MAF: variants seen among roughly 807,000 people sequenced by gnomAD.
MAF encodes the protein MAF bZIP transcription factor.
In MAF, 10 loss-of-function variants were observed where a neutral mutation model predicts 22.0. The observed-to-expected ratio is 0.45, with a 90% confidence interval of 0.28 to 0.77. The LOEUF is 0.77. Ranked by LOEUF, MAF falls within the 30% of genes least tolerant of loss-of-function variation. MAF has a pLI of 0.12. For synonymous variants in MAF, 337 were observed against 255.8 expected, an observed-to-expected ratio of 1.32 and a Z score of -3.03; for missense variants, 544 against 548.4, an observed-to-expected ratio of 0.99 and a Z score of 0.08.
the MAF span, among the ~76,000 whole-genome samples, chr16:79,500,925 C>T: frequency 6.6e-6 from 1 of 152,090 alleles, no homozygotes; most frequent in African/African-American, 2.4e-5. Flanking sequence ...AGGGAAAATT[C>T]ACCGCCATAT....
the MAF span, among the ~76,000 whole-genome samples, chr16:79,331,166 G>C: frequency 1.3e-5 from 2 of 152,138 alleles, no homozygotes; most frequent in African/African-American, 4.8e-5. Flanking sequence ...TTAACAAATA[G>C]AGCTAATGCA....
chr16:79,575,228 A>G, the MAF span, among the ~76,000 whole-genome samples: 25 of 152,020 alleles, frequency 1.6e-4, no homozygotes, highest in Admixed American at 5.9e-4. Flanking sequence ...CCTCTCCCCT[A>G]TTGTGAAGTG....
At chr16:79,340,217 A>T in the MAF span, among the ~76,000 whole-genome samples, 2 of 151,970 alleles carry the variant, frequency 1.3e-5, no homozygotes, top group Non-Finnish European at 2.9e-5. Context: ...AAAGAGTGTT[A>T]AGCAGAGATA....
chr16:79,359,860 T>C, the MAF span, among the ~76,000 whole-genome samples: 1 of 152,136 alleles, frequency 6.6e-6, no homozygotes, highest in African/African-American at 2.4e-5. Flanking sequence ...CTGTTTCACA[T>C]GTGCAACAGC....
At chr16:79,519,208 A>G in the MAF span, among the ~76,000 whole-genome samples, 1 of 152,022 alleles carries the variant, frequency 6.6e-6, no homozygotes, top group Admixed American at 6.6e-5. Flanking sequence ...AAGCCCCCAA[A>G]CCTGGAGCTG....
At chr16:79,509,310 G>A in the MAF span, among the ~76,000 whole-genome samples, 3 of 152,206 alleles carry the variant, frequency 2.0e-5, no homozygotes, top group Non-Finnish European at 4.4e-5. Flanking sequence ...CCCTGGTTGT[G>A]ATGCACAGCC....
At chr16:79,248,494 C>T in the MAF span, among the ~76,000 whole-genome samples, 2 of 152,118 alleles carry the variant, frequency 1.3e-5, no homozygotes, top group Non-Finnish European at 2.9e-5. Context: ...ACTTGTTTTT[C>T]CACAGGAATT....
the MAF span, among the ~76,000 whole-genome samples, chr16:79,341,724 G>A: frequency 3.5e-4 from 54 of 152,304 alleles, no homozygotes; most frequent in African/African-American, 1.1e-3. Context: ...AGAGTGGATT[G>A]CAAGGTTGAA....
the MAF span, among the ~76,000 whole-genome samples, chr16:79,220,367 C>G: frequency 6.6e-6 from 1 of 151,702 alleles, no homozygotes; most frequent in African/African-American, 2.4e-5. Context: ...AAAGAACCAA[C>G]TAGTGTAAAT....
chr16:79,231,330 G>T, the MAF span, among the ~76,000 whole-genome samples: 1 of 152,008 alleles, frequency 6.6e-6, no homozygotes, highest in Admixed American at 6.6e-5. Context: ...GGGTAAAACT[G>T]GAAATGAGCT....
the MAF span, among the ~76,000 whole-genome samples, chr16:79,505,438 G>A: frequency 1.3e-5 from 2 of 152,158 alleles, no homozygotes; most frequent in Non-Finnish European, 2.9e-5. Context: ...GTCAAAGGAG[G>A]AAGATTAAAA....
the MAF span, among the ~76,000 whole-genome samples, chr16:79,328,658 T>C: frequency 3.9e-5 from 6 of 152,182 alleles, no homozygotes; most frequent in African/African-American, 1.2e-4. Context: ...ACTGTGTGAT[T>C]TGGGAGTCTT....
At chr16:79,477,160 C>T in the MAF span, among the ~76,000 whole-genome samples, 3 of 152,306 alleles carry the variant, frequency 2.0e-5, no homozygotes, top group Non-Finnish European at 2.9e-5. Context: ...TTAATTTGAA[C>T]TTGGCAATGG....
chr16:79,246,540 T>TG, the MAF span, among the ~76,000 whole-genome samples: 26,782 of 100,642 alleles, frequency 0.27, 5,114 homozygotes, highest in African/African-American at 0.48. Context: ...AGGTTTTTTT[T>TG]GGGGGGGGTG....
chr16:79,434,718 T>C, the MAF span, among the ~76,000 whole-genome samples: 1 of 152,030 alleles, frequency 6.6e-6, no homozygotes, highest in Non-Finnish European at 1.5e-5. Flanking sequence ...CATTCATACA[T>C]ATTTTATTTC....
the MAF span, among the ~76,000 whole-genome samples, chr16:79,463,184 G>A: frequency 6.6e-5 from 10 of 152,210 alleles, no homozygotes; most frequent in East Asian, 1.9e-3. Flanking sequence ...CATGTAGCTG[G>A]AAAGAAAAGA....
At chr16:79,457,544 G>GCTGGAGCTCCAAT in the MAF span, among the ~76,000 whole-genome samples, 1 of 152,098 alleles carries the variant, frequency 6.6e-6, no homozygotes, top group Non-Finnish European at 1.5e-5. Flanking sequence ...TCTGAAATAT[G>GCTGGAGCTCCAAT]CTGACAATAG....
At chr16:79,209,239 G>T in the MAF span, among the ~76,000 whole-genome samples, 1 of 152,222 alleles carries the variant, frequency 6.6e-6, no homozygotes, top group African/African-American at 2.4e-5. Context: ...TCCGTGGAAG[G>T]AAAAGGTAGG....
the MAF span, among the ~76,000 whole-genome samples, chr16:79,436,835 C>T: frequency 6.6e-6 from 1 of 152,214 alleles, no homozygotes; most frequent in African/African-American, 2.4e-5. Context: ...CCATGCAGGA[C>T]CCAGCATCTG....
Sources: gnomAD v4.1 joint callset for allele counts (sites outside exome capture counted in the v4.1 genomes callset) on GRCh38, gnomAD v4.1.1 for gene constraint, MANE v1.5 for transcripts, NCBI Gene and HGNC (gene_info 2026-07-23, HGNC 2026-07-21) for gene names.